Variants in FMN2 observed in about 807,000 individuals in gnomAD.
The protein encoded by FMN2 is formin 2.
A neutral mutation model predicts 142.3 loss-of-function variants in FMN2; 51 were observed. The ratio of observed to expected loss-of-function variants is 0.36; its 90% CI spans 0.29 to 0.45. FMN2 has a LOEUF of 0.45. FMN2 is among the 20% of genes least tolerant of loss of function. The pLI, the probability that FMN2 is intolerant of heterozygous loss-of-function variation, is 1.00. For missense variants in FMN2, 1,936 were observed against 2,122.8 expected, an observed-to-expected ratio of 0.91 and a Z score of 1.73; for synonymous variants, 882 against 869.8, an observed-to-expected ratio of 1.01 and a Z score of -0.25.
chr1:240,165,268 T>C (rs1400952051), intron 2 of FMN2, among the ~76,000 whole-genome samples: 1 of 152,160 alleles, frequency 6.6e-6, no homozygotes, highest in Non-Finnish European at 1.5e-5. Flanking sequence ...CTCAACCTCC[T>C]GGGCTCAAGT....
At chr1:240,109,022 C>T (rs927636708) in intron 1 of FMN2, among the ~76,000 whole-genome samples, 4 of 152,052 alleles carry the variant, frequency 2.6e-5, no homozygotes, top group African/African-American at 4.8e-5. Flanking sequence ...GGCAACAGAG[C>T]GAGACTCTGT....
chr1:240,171,375 C>T (rs1326500946), intron 2 of FMN2: 1 of 565,768 alleles, frequency 1.8e-6, no homozygotes, highest in Non-Finnish European at 3.3e-6. Context: ...CCTCCTAGAC[C>T]TTCAGCAGCT....
intron 16 of FMN2, among the ~76,000 whole-genome samples, chr1:240,451,268 G>A (rs1045930151): frequency 1.1e-4 from 17 of 151,268 alleles, no homozygotes; most frequent in Non-Finnish European, 2.4e-4. Context: ...CTGAGGCAGG[G>A]GAATCACTTG....
intron 2 of FMN2, among the ~76,000 whole-genome samples, chr1:240,164,280 A>G (rs1311377741): frequency 6.6e-6 from 1 of 152,202 alleles, no homozygotes; most frequent in Non-Finnish European, 1.5e-5. Flanking sequence ...AAGCAACCTT[A>G]AGACCTGTTT....
chr1:240,335,958 A>G (rs1671539889), intron 13 of FMN2, among the ~76,000 whole-genome samples: 1 of 151,968 alleles, frequency 6.6e-6, no homozygotes, highest in Non-Finnish European at 1.5e-5. Context: ...AGCCTGACCA[A>G]TATGAAGAAA....
intron 8 of FMN2, 71 bp downstream of exon 8, chr1:240,294,954 G>C: frequency 7.2e-7 from 1 of 1,381,436 alleles, no homozygotes; most frequent in Middle Eastern, 2.4e-4. Context: ...TGCACATATA[G>C]GCTCTTTGTT....
chr1:240,185,643 T>G (rs1307913317), intron 3 of FMN2, among the ~76,000 whole-genome samples: 1 of 152,224 alleles, frequency 6.6e-6, no homozygotes, highest in Non-Finnish European at 1.5e-5. Flanking sequence ...AGTTTACTTT[T>G]TGGGTCCAGT....
intron 15 of FMN2, among the ~76,000 whole-genome samples, chr1:240,409,765 TTAAA>T (rs1674335705): frequency 6.6e-6 from 1 of 152,180 alleles, no homozygotes; most frequent in Non-Finnish European, 1.5e-5. Context: ...TAGCAAGATG[TTAAA>T]TAGTGATAAA....
chr1:240,218,885 A>G (rs1294894734), intron 6 of FMN2, among the ~76,000 whole-genome samples: 1 of 152,212 alleles, frequency 6.6e-6, no homozygotes, highest in Non-Finnish European at 1.5e-5. Context: ...ATTATCCTTC[A>G]GGTTCCATGC....
intron 15 of FMN2, among the ~76,000 whole-genome samples, chr1:240,417,765 GAA>G (rs1674625410): frequency 6.6e-6 from 1 of 152,098 alleles, no homozygotes. Flanking sequence ...CTAAATAAGT[GAA>G]ATACAGCATA....
At chr1:240,177,775 T>G in intron 2 of FMN2, 146 bp from the exon 3 acceptor site, 1 of 601,194 alleles carries the variant, frequency 1.7e-6, no homozygotes, top group Non-Finnish European at 2.5e-6. Context: ...CTACACTGAA[T>G]AGTATAAAAA....
intron 6 of FMN2, among the ~76,000 whole-genome samples, chr1:240,256,379 C>G (rs1668449915): frequency 6.6e-6 from 1 of 152,034 alleles, no homozygotes; most frequent in South Asian, 2.1e-4. Context: ...GTATATGTTG[C>G]TTTTTCTTTT....
intron 17 of FMN2, among the ~76,000 whole-genome samples, 177 bp downstream of exon 17, chr1:240,472,630 A>T (rs1286892012): frequency 2.0e-5 from 3 of 152,112 alleles, no homozygotes; most frequent in African/African-American, 4.8e-5. Flanking sequence ...GAAGGCTAAG[A>T]GTCTTGATAT....
intron 6 of FMN2, among the ~76,000 whole-genome samples, chr1:240,242,150 G>A (rs1054234333): frequency 2.6e-5 from 4 of 152,084 alleles, no homozygotes. Flanking sequence ...CGGCTAGTGT[G>A]CCTTTCTTAA....
chr1:240,133,399 G>A (rs1307845674), intron 2 of FMN2, among the ~76,000 whole-genome samples: 1 of 152,112 alleles, frequency 6.6e-6, no homozygotes, highest in Non-Finnish European at 1.5e-5. Flanking sequence ...TTGATCTCCT[G>A]GGCTCAAGTG....
chr1:240,235,612 G>T (rs1667684716), intron 6 of FMN2, among the ~76,000 whole-genome samples: 1 of 151,718 alleles, frequency 6.6e-6, no homozygotes, highest in Admixed American at 6.6e-5. Flanking sequence ...TTAGAAATGG[G>T]TTCTCACTAT....
chr1:240,141,194 G>A (rs915248975), intron 2 of FMN2, among the ~76,000 whole-genome samples: 1 of 152,118 alleles, frequency 6.6e-6, no homozygotes, highest in East Asian at 1.9e-4. Flanking sequence ...AAGAATCCTG[G>A]ACATTTTTAG....
intron 14 of FMN2, among the ~76,000 whole-genome samples, chr1:240,369,808 T>C (rs1339542792): frequency 6.6e-6 from 1 of 152,176 alleles, no homozygotes; most frequent in Non-Finnish European, 1.5e-5. Context: ...TTTTGGCTAA[T>C]CATCAGGAGG....
intron 7 of FMN2, among the ~76,000 whole-genome samples, chr1:240,270,666 T>C (rs1476641794): frequency 6.6e-6 from 1 of 152,054 alleles, no homozygotes; most frequent in Non-Finnish European, 1.5e-5. Flanking sequence ...ATTAAAAAAC[T>C]AGGTAATTCT....
Sources: allele counts gnomAD v4.1 joint callset (sites outside exome capture counted in the v4.1 genomes callset), GRCh38; gene constraint gnomAD v4.1.1; transcripts MANE v1.5; gene names NCBI Gene and HGNC (gene_info 2026-07-23, HGNC 2026-07-21).